Variants in ATP6V1A observed in about 807,000 individuals in gnomAD.
ATP6V1A encodes the protein ATPase H+ transporting V1 subunit A.
A neutral mutation model predicts 70.1 loss-of-function variants in ATP6V1A; 18 were observed. The ratio of observed to expected loss-of-function variants is 0.26; its 90% CI spans 0.18 to 0.38. ATP6V1A has a LOEUF of 0.38. ATP6V1A is among the 10% of genes least tolerant of loss of function. The pLI, the probability that ATP6V1A is intolerant of heterozygous loss-of-function variation, is 1.00. For synonymous variants in ATP6V1A, 232 were observed against 253.8 expected (o/e 0.91, Z 0.82); for missense variants, 424 against 772.4 (o/e 0.55, Z 5.35).
At chr3:113,772,035 G>T (rs1708847392) in intron 1 of ATP6V1A, among the ~76,000 whole-genome samples, 1 of 152,208 alleles carries the variant, frequency 6.6e-6, no homozygotes, top group Non-Finnish European at 1.5e-5. Flanking sequence ...GCAGAGTTGG[G>T]CAGAGGAAGA....
chr3:113,778,262 C>T (rs1393108823), intron 1 of ATP6V1A, among the ~76,000 whole-genome samples: 1 of 152,048 alleles, frequency 6.6e-6, no homozygotes, highest in Non-Finnish European at 1.5e-5. Context: ...GGTATGGTCA[C>T]GTGCACCTGT....
intron 2 of ATP6V1A, chr3:113,780,601 C>A: frequency 2.3e-6 from 1 of 429,774 alleles, no homozygotes; most frequent in Admixed American, 4.3e-5. Flanking sequence ...AAACATGTTG[C>A]TTTAGGTCTG....
At chr3:113,761,169 G>T (rs1192652081) in intron 1 of ATP6V1A, among the ~76,000 whole-genome samples, 3 of 151,102 alleles carry the variant, frequency 2.0e-5, no homozygotes, top group Non-Finnish European at 4.4e-5. Flanking sequence ...TGAACTCCTG[G>T]ACTCAAGCGT....
intron 14 of ATP6V1A, among the ~76,000 whole-genome samples, chr3:113,807,184 CTT>C (rs34303608): frequency 3.5e-4 from 46 of 131,782 alleles, no homozygotes; most frequent in South Asian, 3.5e-3. Flanking sequence ...CTTTTTTTTT[CTT>C]TTTTTTTTTT....
chr3:113,780,769 C>G, intron 2 of ATP6V1A: 1 of 1,310,920 alleles, frequency 7.6e-7, no homozygotes. Context: ...TCAGAACATA[C>G]CTGAATCCTA....
chr3:113,753,306 T>C (rs990673736), intron 1 of ATP6V1A, among the ~76,000 whole-genome samples: 2 of 152,226 alleles, frequency 1.3e-5, no homozygotes, highest in Non-Finnish European at 2.9e-5. Context: ...AGCAGGGATA[T>C]GTGGAGAAGG....
chr3:113,774,908 A>G (rs1466640827), intron 1 of ATP6V1A, among the ~76,000 whole-genome samples: 1 of 151,762 alleles, frequency 6.6e-6, no homozygotes, highest in Non-Finnish European at 1.5e-5. Context: ...ACGTTTTTTT[A>G]TTTGTACTAT....
intron 1 of ATP6V1A, among the ~76,000 whole-genome samples, chr3:113,764,746 T>G (rs1172292317): frequency 1.3e-5 from 2 of 152,110 alleles, no homozygotes; most frequent in African/African-American, 4.8e-5. Flanking sequence ...TTACAATTAC[T>G]TTTCCCCCTT....
rs1317751578 is a variant in ATP6V1A at position 113,788,882 on chromosome 3, A to T, written c.879+7A>T. 1 of 1,608,716 alleles carries T rather than the reference A, an allele frequency of 6.2e-7. No individual in the cohort carries two copies. The highest frequency in any genetic ancestry group is 1.7e-5 in the Admixed American group (1 of 59,716). Reference sequence around the variant, plus strand: ...CCTCCGGGACTTCCCAGAGGTCTGTATAAAGCTTCAAATAATATCCTAGAG... The same window carrying T: ...CCTCCGGGACTTCCCAGAGGTCTGTTTAAAGCTTCAAATAATATCCTAGAG... On this transcript the variant is annotated splice_region_variant and intron_variant, in intron 7 of 14. Coordinates refer to ENST00000273398, the MANE Select transcript of ATP6V1A (RefSeq NM_001690.4).
chr3:113,765,722 G>C (rs1708762057), intron 1 of ATP6V1A, among the ~76,000 whole-genome samples: 1 of 149,794 alleles, frequency 6.7e-6, no homozygotes, highest in African/African-American at 2.5e-5. Context: ...TTCAAGACCA[G>C]CTTGGCCAAC....
intron 14 of ATP6V1A, 32 bp from the exon 15 acceptor site, chr3:113,809,303 A>G: frequency 6.4e-7 from 1 of 1,563,522 alleles, no homozygotes; most frequent in Non-Finnish European, 8.7e-7. Context: ...TATTTTCCAA[A>G]TGCGAGTTGA....
At chr3:113,755,638 CTCAG>C (rs1474646774) in intron 1 of ATP6V1A, among the ~76,000 whole-genome samples, 7 of 152,134 alleles carry the variant, frequency 4.6e-5, no homozygotes, top group Non-Finnish European at 8.8e-5. Flanking sequence ...CTATTATTTG[CTCAG>C]TCAATTAGGT....
chr3:113,764,544 A>G (rs750991627), intron 1 of ATP6V1A, among the ~76,000 whole-genome samples: 1 of 152,236 alleles, frequency 6.6e-6, no homozygotes, highest in Non-Finnish European at 1.5e-5. Context: ...TTCTGAAAAC[A>G]GATTTTAAAG....
intron 8 of ATP6V1A, among the ~76,000 whole-genome samples, chr3:113,792,440 G>A (rs1384196935): frequency 2.0e-5 from 3 of 151,918 alleles, no homozygotes; most frequent in Non-Finnish European, 4.4e-5. Flanking sequence ...TGGTCTCAAG[G>A]GATCCTCTCA....
At chr3:113,753,185 T>C (rs1708605959) in intron 1 of ATP6V1A, among the ~76,000 whole-genome samples, 2 of 151,998 alleles carry the variant, frequency 1.3e-5, no homozygotes. Flanking sequence ...AGAAGAGAAA[T>C]CCAAACATTC....
At chr3:113,774,812 CAAAAAAAAAAGAAAAG>C (rs1708889388) in intron 1 of ATP6V1A, among the ~76,000 whole-genome samples, 1 of 93,114 alleles carries the variant, frequency 1.1e-5, no homozygotes, top group African/African-American at 4.0e-5. Context: ...GACCCTGTCT[CAAAAAAAAAAGAAAAG>C]AAAAAAAAAA....
At chr3:113,757,861 G>A (rs1708662177) in intron 1 of ATP6V1A, among the ~76,000 whole-genome samples, 1 of 152,196 alleles carries the variant, frequency 6.6e-6, no homozygotes, top group Non-Finnish European at 1.5e-5. Context: ...TACTATATTA[G>A]TTGGCTGGGC....
chr3:113,765,463 G>T (rs907103369), intron 1 of ATP6V1A, among the ~76,000 whole-genome samples: 3 of 151,654 alleles, frequency 2.0e-5, no homozygotes, highest in Admixed American at 2.0e-4. Flanking sequence ...AATTAGCCAG[G>T]TGTGGTGGCG....
chr3:113,784,087 T>C (rs1709011681), intron 3 of ATP6V1A, 137 bp from the exon 4 acceptor site: 2 of 742,232 alleles, frequency 2.7e-6, no homozygotes, highest in East Asian at 2.6e-5. Context: ...GAAAACACTA[T>C]GAATCCTGTG....
Sources: allele counts gnomAD v4.1 joint callset (sites outside exome capture counted in the v4.1 genomes callset), GRCh38; gene constraint gnomAD v4.1.1; transcripts MANE v1.5; gene names NCBI Gene and HGNC (gene_info 2026-07-23, HGNC 2026-07-21).